The following DDR2 variants were observed in gnomAD, a reference collection of about 807,000 sequenced individuals.
DDR2 encodes discoidin domain receptor tyrosine kinase 2.
Under a neutral mutation model 94.9 loss-of-function variants are expected in DDR2, and 27 were observed. The ratio of observed to expected loss-of-function variants is 0.28; its 90% CI spans 0.21 to 0.39. DDR2 has a LOEUF of 0.39. Ranked by LOEUF, DDR2 falls within the 10% of genes least tolerant of loss-of-function variation. The pLI, the probability that DDR2 is intolerant of heterozygous loss-of-function variation, is 1.00. For synonymous variants in DDR2, 382 were observed against 377.2 expected, an observed-to-expected ratio of 1.01 and a Z score of -0.15; for missense variants, 783 against 1,076.0, an observed-to-expected ratio of 0.73 and a Z score of 3.81.
intron 3 of DDR2, among the ~76,000 whole-genome samples, chr1:162,719,892 C>T (rs1661343078): frequency 6.6e-6 from 1 of 152,040 alleles, no homozygotes; most frequent in South Asian, 2.1e-4. Flanking sequence ...GGATGTGGCA[C>T]TGATGAATGG....
In DDR2 at chr1:162,784,871, T is replaced by C. The variant is rs186573003; in HGVS notation, c.*4625T>C. ...ATTGGCATAATGCTATTAACTAAACTACAGACCTTTTTTCAATTTCGCCAG... is the reference window on the plus strand; with the variant it reads ...ATTGGCATAATGCTATTAACTAAACCACAGACCTTTTTTCAATTTCGCCAG... On this transcript the variant is annotated 3_prime_UTR_variant, in exon 18 of 18. Transcript: ENST00000367921. 3.3e-5 allele frequency: 5 copies of C among 152,322 alleles called. No homozygotes were observed. The highest frequency in any genetic ancestry group is 9.6e-5 in the African/African-American group (4 of 41,588). 9.4% of individuals were successfully genotyped at this position (152,322 alleles called of 1,614,324 possible).
chr1:162,688,110 A>G (rs993729643), intron 2 of DDR2, among the ~76,000 whole-genome samples: 7 of 152,234 alleles, frequency 4.6e-5, no homozygotes, highest in African/African-American at 9.6e-5. Flanking sequence ...TGCTCTGGAC[A>G]TGTTCTAAGT....
intron 2 of DDR2, among the ~76,000 whole-genome samples, chr1:162,686,274 T>G (rs952769240): frequency 2.0e-5 from 3 of 152,194 alleles, no homozygotes; most frequent in African/African-American, 4.8e-5. Context: ...TAGGCATGCA[T>G]GTGCCATAGT....
chr1:162,685,192 A>G (rs1659628745), intron 2 of DDR2, among the ~76,000 whole-genome samples: 5 of 152,164 alleles, frequency 3.3e-5, no homozygotes, highest in Non-Finnish European at 7.4e-5. Context: ...ATCTCACAGT[A>G]TTGCTGTGAG....
chr1:162,693,283 C>T (rs957204933), intron 2 of DDR2, among the ~76,000 whole-genome samples: 3 of 152,072 alleles, frequency 2.0e-5, no homozygotes, highest in Non-Finnish European at 2.9e-5. Context: ...TTGAGCTTTA[C>T]GTGTGCAATT....
At chr1:162,726,889 T>G (rs1202316748) in intron 3 of DDR2, among the ~76,000 whole-genome samples, 1 of 151,878 alleles carries the variant, frequency 6.6e-6, no homozygotes, top group East Asian at 1.9e-4. Context: ...TATTAATGTT[T>G]TGTTCTGAAA....
intron 2 of DDR2, among the ~76,000 whole-genome samples, chr1:162,698,706 C>T (rs1402252403): frequency 6.6e-6 from 1 of 152,144 alleles, no homozygotes; most frequent in Admixed American, 6.5e-5. Context: ...ATGTTTCTAC[C>T]AACAGAAGCT....
At chr1:162,645,120 G>A (rs1657343687) in intron 1 of DDR2, among the ~76,000 whole-genome samples, 1 of 152,242 alleles carries the variant, frequency 6.6e-6, no homozygotes. Context: ...TGCTGATGAA[G>A]CAGATTCTCT....
chr1:162,664,557 G>T (rs959271525), intron 2 of DDR2, among the ~76,000 whole-genome samples: 6 of 151,914 alleles, frequency 3.9e-5, no homozygotes, highest in African/African-American at 1.5e-4. Context: ...AACACAAGAA[G>T]GTATTTATGA....
At chr1:162,710,977 A>G (rs911531873) in intron 2 of DDR2, among the ~76,000 whole-genome samples, 2 of 152,108 alleles carry the variant, frequency 1.3e-5, no homozygotes, top group African/African-American at 4.8e-5. Flanking sequence ...TCCAGTCCAG[A>G]TCACAGGCTC....
Position 162,775,652 on chromosome 1 carries a change from G to A in DDR2, c.1857G>A (p.Arg619=), listed in dbSNP as rs1647501817. The A allele has an allele frequency of 6.2e-7, 1 of 1,613,818 alleles. No homozygotes were observed. The highest frequency in any genetic ancestry group is 1.3e-5 in the African/African-American group (1 of 74,900). ...TTATCTATGTCTGTATCCTCCCAAG[G>A]AATGATTTTCTTAAGGAGATAAAGA... ...MLRADANKNA[R]NDFLKEIKIM... The change falls in exon 15 of 18, where the codon AGG becomes AGA. Residue 619 remains arginine, a splice_region_variant and synonymous_variant. Coordinates refer to ENST00000367921, the MANE Select transcript of DDR2 (RefSeq NM_006182.4).
rs149863728 is a variant in DDR2, at chr1:162,756,511, C to T, written c.671+742C>T. Among the ~76,000 whole-genome samples the T allele has an allele frequency of 6.4e-4, 97 of 152,328 alleles. 1 individual carries two copies. Among genetic ancestry groups the T allele is most frequent in the African/African-American group, 2.1e-3 (88 of 41,566 alleles). On this transcript the variant is annotated intron_variant, in intron 7 of 17. Transcript: ENST00000367921. ...CCTTTAAGCCTTGCCATTCTTCTAG[C>T]CCACACTAACACTTTTCTCTCTAAG...
chr1:162,737,677 AATGGG>A (rs1217806185), intron 3 of DDR2, among the ~76,000 whole-genome samples: 5 of 114,312 alleles, frequency 4.4e-5, no homozygotes, highest in Non-Finnish European at 7.2e-5. Context: ...TATACCCAGT[AATGGG>A]ATGGCTGGGT....
intron 9 of DDR2, among the ~76,000 whole-genome samples, chr1:162,763,157 A>G (rs982491519): frequency 6.7e-6 from 1 of 148,684 alleles, no homozygotes; most frequent in Non-Finnish European, 1.5e-5. Context: ...TTAATACTCA[A>G]GTTGTGCTGT....
chr1:162,684,080 C>T (rs1659543836), intron 2 of DDR2, among the ~76,000 whole-genome samples: 1 of 152,136 alleles, frequency 6.6e-6, no homozygotes, highest in Admixed American at 6.5e-5. Context: ...GAAATAGACC[C>T]ACACAAATAC....
chr1:162,730,870 G>T (rs149037682), intron 3 of DDR2, among the ~76,000 whole-genome samples: 1 of 152,270 alleles, frequency 6.6e-6, no homozygotes, highest in Non-Finnish European at 1.5e-5. Flanking sequence ...CATGCTCGAG[G>T]GATACCAGGT....
intron 16 of DDR2, among the ~76,000 whole-genome samples, chr1:162,776,788 A>G (rs1462872405): frequency 3.9e-5 from 6 of 152,158 alleles, no homozygotes; most frequent in Admixed American, 3.9e-4. Context: ...ATACTTTTCA[A>G]CATGTTCTTT....
intron 1 of DDR2, among the ~76,000 whole-genome samples, chr1:162,633,474 G>A (rs1656658511): frequency 6.6e-6 from 1 of 152,174 alleles, no homozygotes; most frequent in Non-Finnish European, 1.5e-5. Context: ...GTCCTGAAAA[G>A]GGCCTTAGGC....
At chr1:162,741,263 G>GTAATGTAATGTAATA (rs1318503829) in intron 3 of DDR2, among the ~76,000 whole-genome samples, 74 of 125,308 alleles carry the variant, frequency 5.9e-4, no homozygotes, top group Middle Eastern at 3.8e-3. Context: ...GTAATGTAAT[G>GTAATGTAATGTAATA]TAATATAATA....
Sources: gnomAD v4.1 joint callset for allele counts (sites outside exome capture counted in the v4.1 genomes callset) on GRCh38, gnomAD v4.1.1 for gene constraint, MANE v1.5 for transcripts, NCBI Gene and HGNC (gene_info 2026-07-23, HGNC 2026-07-21) for gene names.